The following MCC variants were observed in gnomAD, a reference collection of about 807,000 sequenced individuals.
The protein encoded by MCC is colorectal mutant cancer protein.
Under a neutral mutation model 116.2 loss-of-function variants are expected in MCC, and 90 were observed. The observed-to-expected ratio is 0.77, with a 90% CI of 0.65 to 0.92. The LOEUF is 0.92. Ranked by LOEUF, MCC falls within the 40% of genes least tolerant of loss-of-function variation. The probability of loss-of-function intolerance (pLI) is 0.00; values close to 1 mark genes in which losing one functional copy is unlikely to be tolerated. For missense variants in MCC, 1,516 were observed against 1,312.2 expected, an observed-to-expected ratio of 1.16 and a Z score of -2.40; for synonymous variants, 578 against 510.5, an observed-to-expected ratio of 1.13 and a Z score of -1.78.
chr5:113,128,993 G>C (rs748593901), intron 5 of MCC, among the ~76,000 whole-genome samples: 2 of 152,190 alleles, frequency 1.3e-5, no homozygotes, highest in African/African-American at 2.4e-5. Context: ...CAAGCTCCTA[G>C]TGCAGGCCTG....
intron 1 of MCC, among the ~76,000 whole-genome samples, chr5:113,474,555 T>C (rs939910764): frequency 6.6e-6 from 1 of 152,180 alleles, no homozygotes; most frequent in African/African-American, 2.4e-5. Context: ...AGTCTGAACT[T>C]ATCTGTAAGG....
chr5:113,366,556 A>T (rs1332330147), intron 2 of MCC, among the ~76,000 whole-genome samples: 1 of 152,120 alleles, frequency 6.6e-6, no homozygotes, highest in Admixed American at 6.5e-5. Context: ...TAGATTTTTT[A>T]AAAAACGATT....
intron 2 of MCC, among the ~76,000 whole-genome samples, chr5:113,350,480 G>A (rs928109982): frequency 8.6e-5 from 13 of 151,964 alleles, no homozygotes; most frequent in Admixed American, 1.3e-4. Context: ...GGGAAAACTG[G>A]TATCTTATTC....
At position 113,050,624 on chromosome 5, in the gene MCC, C is replaced by T. The variant is rs374047210; in HGVS notation, c.2449-1325G>A. On this transcript the variant is annotated intron_variant, in intron 15 of 18. Transcript: ENST00000408903. ...AAAGGTGTGCCACGCCCAGAGCCTT[C>T]GGATCTTTTGCCATTGGAAGCAGGA... is the stretch of plus-strand genomic sequence containing the variant. Among the ~76,000 whole-genome samples, 9 of 152,332 alleles carry T rather than the reference C, an allele frequency of 5.9e-5. No homozygotes were observed. The East Asian group carries it at 1.3e-3, about 23-fold the overall frequency.
At chr5:113,139,306 T>C (rs1759035660) in intron 5 of MCC, among the ~76,000 whole-genome samples, 1 of 152,198 alleles carries the variant, frequency 6.6e-6, no homozygotes, top group Admixed American at 6.5e-5. Flanking sequence ...AGTCCTTTGT[T>C]GAGCCTAGTT....
chr5:113,311,072 G>C (rs1184440053), intron 3 of MCC, among the ~76,000 whole-genome samples: 1 of 152,208 alleles, frequency 6.6e-6, no homozygotes, highest in Non-Finnish European at 1.5e-5. Flanking sequence ...CATGGTTACA[G>C]TGAGCTGTGA....
chr5:113,398,531 A>G (rs1432200372), intron 1 of MCC, among the ~76,000 whole-genome samples: 1 of 152,230 alleles, frequency 6.6e-6, no homozygotes, highest in Non-Finnish European at 1.5e-5. Context: ...CTTTGCAGCA[A>G]CATGAATGTA....
At chr5:113,487,878 G>C (rs1772583866) in intron 1 of MCC, among the ~76,000 whole-genome samples, 1 of 152,200 alleles carries the variant, frequency 6.6e-6, no homozygotes, top group African/African-American at 2.4e-5. Flanking sequence ...GCATCTTGAT[G>C]CCCAGGACCC....
At chr5:113,409,579 T>C (rs1367542751) in intron 1 of MCC, among the ~76,000 whole-genome samples, 1 of 152,178 alleles carries the variant, frequency 6.6e-6, no homozygotes, top group Non-Finnish European at 1.5e-5. Flanking sequence ...CTTGAACTCC[T>C]GAGCTCAAGC....
chr5:113,220,347 C>T (rs1025877614), intron 3 of MCC, among the ~76,000 whole-genome samples: 1 of 152,022 alleles, frequency 6.6e-6, no homozygotes, highest in African/African-American at 2.4e-5. Context: ...GCGTGAGCCA[C>T]TGCGCCCGGC....
At chr5:113,160,409 C>T (rs1760418651) in intron 3 of MCC, among the ~76,000 whole-genome samples, 1 of 152,200 alleles carries the variant, frequency 6.6e-6, no homozygotes, top group South Asian at 2.1e-4. Flanking sequence ...GATTGCTATA[C>T]TCAGCATATA....
chr5:113,150,986 G>A (rs1759827131), intron 4 of MCC, among the ~76,000 whole-genome samples: 1 of 152,208 alleles, frequency 6.6e-6, no homozygotes, highest in Admixed American at 6.5e-5. Flanking sequence ...TGAGGCTGCA[G>A]TGAGTCATGA....
chr5:113,294,341 G>T (rs371903069), intron 3 of MCC: 6 of 1,613,668 alleles, frequency 3.7e-6, no homozygotes, highest in South Asian at 3.3e-5. Context: ...CACTCAGCTC[G>T]GCCGAGGAGT....
chr5:113,477,294 T>C (rs1239442486), intron 1 of MCC, among the ~76,000 whole-genome samples: 1 of 152,274 alleles, frequency 6.6e-6, no homozygotes, highest in East Asian at 1.9e-4. Context: ...ATTTTTTAAA[T>C]TATATATAAA....
At chr5:113,221,856 T>C (rs967332492) in intron 3 of MCC, among the ~76,000 whole-genome samples, 3 of 151,896 alleles carry the variant, frequency 2.0e-5, no homozygotes, top group Admixed American at 2.0e-4. Context: ...GGAAGACTGA[T>C]TTGAGTAATA....
rs148562495 is a variant in MCC at position 113,203,985 on chromosome 5, T to A, written c.628-52563A>T. 3.1e-4 allele frequency among the ~76,000 whole-genome samples: 47 copies of A among 152,286 alleles called. 1 individual carries two copies. The highest frequency in any genetic ancestry group is 6.8e-3 in the Middle Eastern group (2 of 294). The stretch of plus-strand genomic sequence containing the variant: ...GAGAGATGCCGGACGCCAAACTGAG[T>A]ACAGGCTCAATATCCCCTATTTTCC... On this transcript the variant is annotated intron_variant, in intron 3 of 18. Coordinates refer to ENST00000408903, the MANE Select transcript of MCC (RefSeq NM_001085377.2).
rs1554087742 is a variant in MCC at position 113,488,348 on chromosome 5, C to CGCG, written c.66_67insCGC (p.Ser22_Gly23insArg). ...GTGTCGCTGCTGCTGCTGCTGCTGC[C>CGCG]GCTGCCGCCGCCGCCGCCGCCGCTG... On this transcript the variant is annotated inframe_insertion, in exon 1 of 19. Transcript: ENST00000408903. 6.9e-7 allele frequency: 1 copy of CGCG among 1,446,760 alleles called. No individual in the cohort carries two copies. 89.6% of individuals were successfully genotyped at this position (1,446,760 alleles called of 1,614,324 possible).
At chr5:113,252,775 C>T (rs995649467) in intron 3 of MCC, among the ~76,000 whole-genome samples, 5 of 148,688 alleles carry the variant, frequency 3.4e-5, no homozygotes, top group South Asian at 2.1e-4. Flanking sequence ...TGCTATGGCA[C>T]CCCCAGACTC....
chr5:113,038,771 G>A (rs1296270400), intron 17 of MCC, among the ~76,000 whole-genome samples: 1 of 152,148 alleles, frequency 6.6e-6, no homozygotes, highest in Non-Finnish European at 1.5e-5. Context: ...CTGTCTTCCA[G>A]CAGTGGCAGC....
Sources: gnomAD v4.1 joint callset for allele counts (sites outside exome capture counted in the v4.1 genomes callset) on GRCh38, gnomAD v4.1.1 for gene constraint, MANE v1.5 for transcripts, NCBI Gene and HGNC (gene_info 2026-07-23, HGNC 2026-07-21) for gene names.